The following SEC22C variants were observed in gnomAD, a reference collection of about 807,000 sequenced individuals.
The protein encoded by SEC22C is SEC22 homolog C, vesicle trafficking protein, also known as vesicle-trafficking protein SEC22c.
A neutral mutation model predicts 34.7 loss-of-function variants in SEC22C; 29 were observed. That is an observed-to-expected ratio of 0.84 (90% confidence interval 0.62 to 1.14). The LOEUF (loss-of-function observed/expected upper bound fraction) is 1.14. SEC22C is among the 50% of genes most tolerant of loss of function. The pLI is 0.00. For missense variants in SEC22C, 337 were observed against 369.0 expected, an observed-to-expected ratio of 0.91 and a Z score of 0.71; for synonymous variants, 117 against 132.8, an observed-to-expected ratio of 0.88 and a Z score of 0.82.
intron 2 of SEC22C, among the ~76,000 whole-genome samples, chr3:42,568,395 C>A (rs146706206): frequency 6.6e-6 from 1 of 152,012 alleles, no homozygotes; most frequent in South Asian, 2.1e-4. Context: ...CTTGTAATCC[C>A]AGTACTCTGA....
In SEC22C at chr3:42,548,719, C is replaced by G. The variant is rs1702101912; in HGVS notation, c.*4529G>C. Reference sequence around the variant, plus strand: ...TGTGCCCAGGGAGTGAAAGGCAGGTCCAGGGTGGGAAGAAGAGGGGCTGCT... The same window carrying G: ...TGTGCCCAGGGAGTGAAAGGCAGGTGCAGGGTGGGAAGAAGAGGGGCTGCT... On this transcript the variant is annotated 3_prime_UTR_variant, in exon 7 of 7. Coordinates refer to ENST00000264454, the MANE Select transcript of SEC22C (RefSeq NM_032970.4). 2.5e-6 allele frequency: 4 copies of G among 1,610,824 alleles called. No individual in the cohort carries two copies. The highest frequency in any genetic ancestry group is 1.1e-5 in the South Asian group (1 of 90,958).
chr3:42,548,553 T>G lies in SEC22C; in HGVS notation c.*4695A>C. The G allele has an allele frequency of 6.3e-7, 1 of 1,591,574 alleles. No homozygotes were observed. The highest frequency in any genetic ancestry group is 8.6e-7 in the Non-Finnish European group (1 of 1,161,268). ...TGAGATTTCCCCAGCAGCAGAAGTTTGACATCACTGCTCCCGGATGGGAGA... is the reference window on the plus strand; with the variant it reads ...TGAGATTTCCCCAGCAGCAGAAGTTGGACATCACTGCTCCCGGATGGGAGA... On this transcript the variant is annotated 3_prime_UTR_variant, in exon 7 of 7. Transcript: ENST00000264454.
In SEC22C at chr3:42,552,180, A is replaced by C. The variant is rs1028469322; in HGVS notation, c.*1068T>G. On this transcript the variant is annotated 3_prime_UTR_variant, in exon 7 of 7. Transcript: ENST00000264454. ...GTTAATTATATCTCTATCAAGCTTT[A>C]AAAAGTTAACAGATACTTAACTCTT... The C allele has an allele frequency of 3.0e-6, 3 of 985,082 alleles. No individual in the cohort carries two copies. In the African/African-American group the frequency reaches 5.2e-5, roughly 17 times the overall value. The allele number at this position is 985,082 out of a possible 1,614,324, so 61.0% of individuals were successfully genotyped here.
intron 1 of SEC22C, chr3:42,600,762 G>C (rs767126923): frequency 2.2e-4 from 79 of 360,562 alleles, no homozygotes; most frequent in Non-Finnish European, 3.3e-4. Context: ...GACCCGCTCA[G>C]GCTGGAGGCC....
intron 2 of SEC22C, among the ~76,000 whole-genome samples, chr3:42,568,555 AGAACTGCTT>A (rs1703403823): frequency 6.6e-6 from 1 of 151,946 alleles, no homozygotes; most frequent in Admixed American, 6.6e-5. Flanking sequence ...CTGAGGCACG[AGAACTGCTT>A]GAACCCAGGA....
chr3:42,586,195 C>A (rs796882362), upstream of SEC22C, among the ~76,000 whole-genome samples: 1 of 152,268 alleles, frequency 6.6e-6, no homozygotes, highest in African/African-American at 2.4e-5. Flanking sequence ...AAAATGCCCT[C>A]CTCAAAGACC....
intron 6 of SEC22C, among the ~76,000 whole-genome samples, chr3:42,555,094 C>A (rs1196748613): frequency 1.3e-5 from 2 of 151,934 alleles, no homozygotes; most frequent in Admixed American, 1.3e-4. Flanking sequence ...GCCTGTAATC[C>A]CAGCACTTTG....
At chr3:42,571,028 C>G (rs1388643585) in intron 1 of SEC22C, among the ~76,000 whole-genome samples, 1 of 152,136 alleles carries the variant, frequency 6.6e-6, no homozygotes, top group Admixed American at 6.5e-5. Flanking sequence ...TTTTTGGGAG[C>G]TGAGTAAATT....
rs1702134222 is a variant in SEC22C, at chr3:42,549,272, G to A, written c.*3976C>T. On this transcript the variant is annotated 3_prime_UTR_variant, in exon 7 of 7. Transcript: ENST00000264454. Reference sequence around the variant, plus strand: ...GATCACCATAAATGCTCCCACCCCTGCCTGTCCTCACTTGTGCTGCACTAT... The same window carrying A: ...GATCACCATAAATGCTCCCACCCCTACCTGTCCTCACTTGTGCTGCACTAT... 1.0e-6 allele frequency: 1 copy of A among 986,184 alleles called. No homozygotes were observed. Among genetic ancestry groups the A allele is most frequent in the East Asian group, 1.1e-4 (1 of 8,818 alleles). 61.1% of individuals were successfully genotyped at this position (986,184 alleles called of 1,614,324 possible).
chr3:42,572,428 C>T (rs906429219), intron 1 of SEC22C, among the ~76,000 whole-genome samples: 2 of 152,150 alleles, frequency 1.3e-5, no homozygotes, highest in Admixed American at 6.6e-5. Context: ...TGAAGTGCCC[C>T]ATTCTCCACC....
chr3:42,575,036 C>T (rs1390018591), intron 1 of SEC22C, among the ~76,000 whole-genome samples: 1 of 152,138 alleles, frequency 6.6e-6, no homozygotes, highest in African/African-American at 2.4e-5. Context: ...TTTGTACAGA[C>T]AGGATCTTGC....
intron 2 of SEC22C, among the ~76,000 whole-genome samples, chr3:42,566,230 G>A (rs1398187417): frequency 1.3e-5 from 2 of 152,204 alleles, no homozygotes; most frequent in East Asian, 3.9e-4. Context: ...ACAGCTGCAT[G>A]TGCCTATTAT....
Position 42,563,564 on chromosome 3 carries a change from C to CA in SEC22C, c.304dup (p.Cys102LeufsTer13). Reference sequence around the variant, plus strand: ...GTATGGCCTGGAGGCTAGGCCAATGCAGGTAGTGTCATAGGAAGCTGTGAA... The same window carrying CA: ...GTATGGCCTGGAGGCTAGGCCAATGCAAGGTAGTGTCATAGGAAGCTGTGAA... On this transcript the variant is annotated frameshift_variant, in exon 3 of 7. Coordinates refer to ENST00000264454, the MANE Select transcript of SEC22C (RefSeq NM_032970.4). LOFTEE classifies it high-confidence loss of function. 1 of 1,614,096 alleles carries CA rather than the reference C, an allele frequency of 6.2e-7. No individual in the cohort carries two copies. The highest frequency in any genetic ancestry group is 8.5e-7 in the Non-Finnish European group (1 of 1,179,944).
At position 42,551,986 on chromosome 3, in the gene SEC22C, A is replaced by C. The variant is rs916503878; in HGVS notation, c.*1262T>G. The C allele has an allele frequency of 1.0e-6, 1 of 985,320 alleles. No individual in the cohort carries two copies. The highest frequency in any genetic ancestry group is 1.2e-6 in the Non-Finnish European group (1 of 829,926). The allele number at this position is 985,320 out of a possible 1,614,324, so 61.0% of individuals were successfully genotyped here. A position where few individuals can be genotyped will look rare whatever the true frequency, so the allele number is the denominator to read the frequency against. On this transcript the variant is annotated 3_prime_UTR_variant, in exon 7 of 7. Transcript: ENST00000264454. ...TGAACTATTCAGATTCCAGACTTCT[A>C]CCAAGAACAATCCAAAGAGCAAACT...
At chr3:42,558,916 T>G (rs1443380146) in intron 4 of SEC22C, among the ~76,000 whole-genome samples, 1 of 152,244 alleles carries the variant, frequency 6.6e-6, no homozygotes, top group Admixed American at 6.5e-5. Context: ...AACATTCAAC[T>G]TGTCCTCTTT....
chr3:42,585,425 G>A (rs1320888191), upstream of SEC22C, among the ~76,000 whole-genome samples: 1 of 152,182 alleles, frequency 6.6e-6, no homozygotes, highest in African/African-American at 2.4e-5. Flanking sequence ...CCACAGAAGA[G>A]CTCCACCTCT....
chr3:42,596,494 A>T (rs1475363835), intron 1 of SEC22C, among the ~76,000 whole-genome samples: 1 of 152,200 alleles, frequency 6.6e-6, no homozygotes, highest in Non-Finnish European at 1.5e-5. Flanking sequence ...CTTCTTCATG[A>T]TAAATCATGG....
In SEC22C at chr3:42,551,777, C is replaced by T; in HGVS notation, c.*1471G>A. ...AAATGATAACAAGGTAGCTCAATAA[C>T]AATACAATACCAGTGATAACCAAAT... On this transcript the variant is annotated 3_prime_UTR_variant, in exon 7 of 7. Coordinates refer to ENST00000264454, the MANE Select transcript of SEC22C (RefSeq NM_032970.4). 1 of 970,454 alleles carries T rather than the reference C, an allele frequency of 1.0e-6. No individual in the cohort carries two copies. The allele number at this position is 970,454 out of a possible 1,614,324, so 60.1% of individuals were successfully genotyped here. A position where few individuals can be genotyped will look rare whatever the true frequency, so the allele number is the denominator to read the frequency against.
At chr3:42,558,524 T>C (rs1702683117) in intron 4 of SEC22C, among the ~76,000 whole-genome samples, 2 of 147,710 alleles carry the variant, frequency 1.4e-5, no homozygotes, top group South Asian at 4.3e-4. Context: ...CAGTAGCTCA[T>C]GCCTGTAATC....
Sources: gnomAD v4.1 joint callset for allele counts (sites outside exome capture counted in the v4.1 genomes callset) on GRCh38, gnomAD v4.1.1 for gene constraint, MANE v1.5 for transcripts, NCBI Gene and HGNC (gene_info 2026-07-23, HGNC 2026-07-21) for gene names.